Variants in PAFAH1B1 observed in about 807,000 individuals in gnomAD.
PAFAH1B1 encodes the protein platelet-activating factor acetylhydrolase IB subunit beta.
Under a neutral mutation model 57.5 loss-of-function variants are expected in PAFAH1B1, and 2 were observed. That is an observed-to-expected ratio of 0.03 (90% CI 0.01 to 0.11). The LOEUF is 0.11. Ranked by LOEUF, PAFAH1B1 falls within the 10% of genes least tolerant of loss-of-function variation. The pLI is 1.00. For synonymous variants in PAFAH1B1, 152 were observed against 169.6 expected, an observed-to-expected ratio of 0.90 and a Z score of 0.81; for missense variants, 257 against 512.0, an observed-to-expected ratio of 0.50 and a Z score of 4.81.
At chr17:2,602,573 T>TC (rs1289841122) in intron 1 of PAFAH1B1, among the ~76,000 whole-genome samples, 10 of 152,142 alleles carry the variant, frequency 6.6e-5, no homozygotes, top group Admixed American at 2.0e-4. Context: ...CCATCATAGT[T>TC]CACATAATCT....
intron 10 of PAFAH1B1, chr17:2,680,863 G>A (rs2069373259): frequency 5.6e-6 from 1 of 177,762 alleles, no homozygotes; most frequent in Non-Finnish European, 1.2e-5. Flanking sequence ...TCAAGGATTA[G>A]GCACAAATAC....
At chr17:2,593,614 C>CGGCGGCGGCGGT, upstream of PAFAH1B1, 1 of 220,726 alleles carries the variant, frequency 4.5e-6, no homozygotes, top group Non-Finnish European at 8.8e-6. Flanking sequence ...GCGGCGGCGG[C>CGGCGGCGGCGGT]GGCGCGGTGA....
At chr17:2,653,624 C>G (rs934630819) in intron 2 of PAFAH1B1, among the ~76,000 whole-genome samples, 1 of 152,022 alleles carries the variant, frequency 6.6e-6, no homozygotes, top group Non-Finnish European at 1.5e-5. Context: ...CACTGTTTAC[C>G]TGTGTGAATT....
intron 6 of PAFAH1B1, among the ~76,000 whole-genome samples, chr17:2,671,383 A>C (rs2069178952): frequency 6.6e-6 from 1 of 151,608 alleles, no homozygotes; most frequent in Non-Finnish European, 1.5e-5. Flanking sequence ...TAATTTTTGT[A>C]TTTTTAGTAG....
intron 1 of PAFAH1B1, among the ~76,000 whole-genome samples, chr17:2,621,138 T>C (rs2151622718): frequency 6.6e-6 from 1 of 152,280 alleles, no homozygotes; most frequent in East Asian, 1.9e-4. Context: ...ACCTTTTTTT[T>C]TTAAGTTGAG....
In PAFAH1B1 at chr17:2,681,948, C is replaced by T. The variant is rs2069390669; in HGVS notation, c.*146C>T. 1.6e-6 allele frequency: 1 copy of T among 637,254 alleles called. No homozygotes were observed. The highest frequency in any genetic ancestry group is 2.7e-6 in the Non-Finnish European group (1 of 365,434). 39.5% of individuals were successfully genotyped at this position (637,254 alleles called of 1,614,324 possible). A position where few individuals can be genotyped will look rare whatever the true frequency, so the allele number is the denominator to read the frequency against. ...TAGATTGAGCTTATTAAATGTTACA[C>T]ACAAAGTATTCATGCATGGTGAATC... On this transcript the variant is annotated 3_prime_UTR_variant, in exon 11 of 11. Transcript: ENST00000397195.
intron 1 of PAFAH1B1, among the ~76,000 whole-genome samples, chr17:2,603,038 A>AAT (rs1349360410): frequency 3.9e-5 from 6 of 152,080 alleles, no homozygotes; most frequent in African/African-American, 9.7e-5. Context: ...CTCACACTCT[A>AAT]ATATATATAT....
At chr17:2,621,742 C>A (rs552495516) in intron 1 of PAFAH1B1, among the ~76,000 whole-genome samples, 39 of 151,192 alleles carry the variant, frequency 2.6e-4, no homozygotes, top group Non-Finnish European at 4.3e-4. Context: ...CCACCTCAGC[C>A]TTCTGAGTAG....
At chr17:2,618,797 G>A (rs375254125) in intron 1 of PAFAH1B1, among the ~76,000 whole-genome samples, 5 of 148,754 alleles carry the variant, frequency 3.4e-5, no homozygotes, top group African/African-American at 9.9e-5. Context: ...ACAGGTACTC[G>A]CTCACTTGGG....
intron 2 of PAFAH1B1, chr17:2,642,211 G>C (rs1408229777): frequency 1.3e-5 from 2 of 152,076 alleles, no homozygotes; most frequent in African/African-American, 2.4e-5. Flanking sequence ...AATATCAATA[G>C]ATTGATTCAC....
chr17:2,637,598 A>G (rs2068641046), intron 1 of PAFAH1B1, among the ~76,000 whole-genome samples: 1 of 152,130 alleles, frequency 6.6e-6, no homozygotes, highest in Non-Finnish European at 1.5e-5. Context: ...AAAAAGCGTA[A>G]GATTGCTAAG....
At chr17:2,677,801 C>T (rs149384793) in intron 9 of PAFAH1B1, among the ~76,000 whole-genome samples, 1,647 of 151,940 alleles carry the variant, frequency 0.011, 34 homozygotes, top group African/African-American at 0.038. Context: ...TTGCAGTGAC[C>T]GGAGATGGCA....
chr17:2,603,201 C>T lies in PAFAH1B1; in HGVS notation c.-191+9195C>T, dbSNP rs148732740. Among the ~76,000 whole-genome samples the T allele has an allele frequency of 5.4e-3, 825 of 152,236 alleles. 6 individuals carry two copies. The highest frequency in any genetic ancestry group is 0.016 in the South Asian group (79 of 4,828). On this transcript the variant is annotated intron_variant, in intron 1 of 10. Transcript: ENST00000397195. ...TTGAGACAGGGTCTGGCTCTGTTGC[C>T]CAGGCTGGAGTGCAGTGGCTAACTA...
At chr17:2,600,615 T>C (rs1178103231) in intron 1 of PAFAH1B1, among the ~76,000 whole-genome samples, 2 of 150,902 alleles carry the variant, frequency 1.3e-5, no homozygotes, top group African/African-American at 2.4e-5. Context: ...TGTTCTATGA[T>C]ATACTAGTGT....
chr17:2,603,340 G>T (rs992009076), intron 1 of PAFAH1B1, among the ~76,000 whole-genome samples: 1 of 152,140 alleles, frequency 6.6e-6, no homozygotes. Context: ...CAAAATACAG[G>T]CCAGGCGCGG....
chr17:2,595,437 T>G (rs2068075022), intron 1 of PAFAH1B1, among the ~76,000 whole-genome samples: 1 of 149,056 alleles, frequency 6.7e-6, no homozygotes, highest in Admixed American at 6.6e-5. Context: ...TTTTTTTTTT[T>G]GCTGCAGCAG....
chr17:2,681,399 C>T lies in PAFAH1B1; in HGVS notation c.1160-330C>T, dbSNP rs918292816. 9 of 218,706 alleles carry T rather than the reference C, an allele frequency of 4.1e-5. 1 individual carries two copies. Among genetic ancestry groups the T allele is most frequent in the East Asian group, 2.1e-4 (2 of 9,492 alleles). The allele number at this position is 218,706 out of a possible 1,614,324, so 13.5% of individuals were successfully genotyped here. On this transcript the variant is annotated intron_variant, in intron 10 of 10. Transcript: ENST00000397195. ...TGGGTTATGGTATATTAGAGAAACA[C>T]GAAAACTACTGGCATTTGGACTTTC...
chr17:2,626,743 T>G (rs1597531616), intron 1 of PAFAH1B1, among the ~76,000 whole-genome samples: 1 of 151,808 alleles, frequency 6.6e-6, no homozygotes, highest in South Asian at 2.1e-4. Flanking sequence ...TTAGTAGAGA[T>G]AGGGTTTCAC....
chr17:2,610,313 A>G (rs1236967345), intron 1 of PAFAH1B1, among the ~76,000 whole-genome samples: 2 of 152,216 alleles, frequency 1.3e-5, no homozygotes, highest in Admixed American at 1.3e-4. Context: ...AGAAGAAACA[A>G]AAACAAAAGA....
Sources: allele counts gnomAD v4.1 joint callset (sites outside exome capture counted in the v4.1 genomes callset), GRCh38; gene constraint gnomAD v4.1.1; transcripts MANE v1.5; gene names NCBI Gene and HGNC (gene_info 2026-07-23, HGNC 2026-07-21).